TANC2: variants seen among roughly 807,000 people sequenced by gnomAD.
TANC2 encodes the protein protein TANC2.
Under a neutral mutation model 210.5 loss-of-function variants are expected in TANC2, and 26 were observed. The observed-to-expected ratio is 0.12, with a 90% CI of 0.09 to 0.17. The LOEUF is 0.17. Among genes scored for constraint, TANC2 ranks in the 10% least tolerant of loss-of-function variants. The pLI, the probability that TANC2 is intolerant of heterozygous loss-of-function variation, is 1.00. For synonymous variants in TANC2, 931 were observed against 967.1 expected (o/e 0.96, Z 0.69); for missense variants, 2,129 against 2,608.9 (o/e 0.82, Z 4.01).
intron 19 of TANC2, among the ~76,000 whole-genome samples, chr17:63,401,435 A>G (rs2048340712): frequency 6.6e-6 from 1 of 152,240 alleles, no homozygotes; most frequent in Non-Finnish European, 1.5e-5. Context: ...CTATACTGAC[A>G]CAATTCTTTA....
intron 24 of TANC2, chr17:63,413,316 A>G: frequency 2.4e-6 from 1 of 414,556 alleles, no homozygotes; most frequent in Non-Finnish European, 4.3e-6. Flanking sequence ...CGCGTGGGGC[A>G]GGCTCACATG....
chr17:63,013,627 T>C (rs1346218006), intron 2 of TANC2, among the ~76,000 whole-genome samples: 1 of 152,116 alleles, frequency 6.6e-6, no homozygotes, highest in African/African-American at 2.4e-5. Context: ...CCAGACGTGT[T>C]GGCACATGCC....
intron 14 of TANC2, among the ~76,000 whole-genome samples, chr17:63,358,810 C>A (rs551029415): frequency 2.0e-5 from 3 of 152,138 alleles, no homozygotes; most frequent in Non-Finnish European, 4.4e-5. Context: ...AGTAGACAGT[C>A]GGAGCTACCA....
intron 11 of TANC2, among the ~76,000 whole-genome samples, chr17:63,320,783 GTT>G (rs2045470006): frequency 2.0e-5 from 3 of 151,842 alleles, no homozygotes; most frequent in African/African-American, 4.8e-5. Flanking sequence ...CATTTATTCT[GTT>G]GGTACCTAGC....
intron 7 of TANC2, among the ~76,000 whole-genome samples, chr17:63,229,679 G>A (rs928861012): frequency 6.6e-6 from 1 of 151,502 alleles, no homozygotes; most frequent in Non-Finnish European, 1.5e-5. Context: ...GTCTTGGGAG[G>A]GTGTATGTGT....
chr17:63,253,574 G>A (rs1021415376), intron 8 of TANC2, among the ~76,000 whole-genome samples: 1 of 152,052 alleles, frequency 6.6e-6, no homozygotes, highest in Non-Finnish European at 1.5e-5. Context: ...ATAGTTTGGG[G>A]TCTTAAACTT....
At chr17:63,153,872 A>G (rs1193882575) in intron 5 of TANC2, 1 of 152,156 alleles carries the variant, frequency 6.6e-6, no homozygotes, top group Admixed American at 6.6e-5. Context: ...ACCCACGTCT[A>G]ACTTTTCTGT....
In TANC2 at chr17:63,421,070, T is replaced by A. The variant is rs2049010560; in HGVS notation, c.5340T>A (p.Asp1780Glu). The A allele has an allele frequency of 1.2e-6, 2 of 1,613,814 alleles. No individual in the cohort carries two copies. The highest frequency in any genetic ancestry group is 1.7e-5 in the Admixed American group (1 of 59,982). Residue 1780 changes from aspartate (D) to glutamate (E), a missense_variant, in exon 28 of 28, where the codon GAT (aspartate) becomes GAA (glutamate). By Grantham distance (45) the Asp-to-Glu change is conservative (BLOSUM62 2). This residue lies in a region of TANC2 where 584 missense variants were observed against 627.3 expected (regional missense o/e 0.93). Coordinates refer to ENST00000689528, the Ensembl canonical transcript of TANC2. This position sits in a 1 kb window ranked among gnomAD's most constrained non-coding sequence, Gnocchi z 6.9. Reference sequence around the variant, plus strand: ...AGCATGGAGGATTGACCAAAGAGGATCTTCCACAGCGACCTTCCTCAGCAT... The same window carrying A: ...AGCATGGAGGATTGACCAAAGAGGAACTTCCACAGCGACCTTCCTCAGCAT...
intron 11 of TANC2, among the ~76,000 whole-genome samples, chr17:63,329,308 A>G (rs2045759040): frequency 6.6e-6 from 1 of 152,132 alleles, no homozygotes; most frequent in South Asian, 2.1e-4. Flanking sequence ...AAACATGATG[A>G]AAAAATGGGA....
intron 7 of TANC2, among the ~76,000 whole-genome samples, chr17:63,233,417 C>A: frequency 6.6e-6 from 1 of 152,184 alleles, no homozygotes; most frequent in Non-Finnish European, 1.5e-5. Flanking sequence ...ATCGTGGATT[C>A]TTGGGCAGGG....
At chr17:63,255,105 T>TTA (rs1555616926) in intron 8 of TANC2, among the ~76,000 whole-genome samples, 1 of 135,418 alleles carries the variant, frequency 7.4e-6, no homozygotes, top group Non-Finnish European at 1.5e-5. Context: ...ATTTATTTAT[T>TTA]TTTATTTATT....
chr17:63,374,284 C>T (rs1455689900), intron 14 of TANC2, among the ~76,000 whole-genome samples: 1 of 152,108 alleles, frequency 6.6e-6, no homozygotes, highest in African/African-American at 2.4e-5. Context: ...GCGACCCTCC[C>T]ACCTTGGCCT....
chr17:63,036,920 A>G (rs542428168), intron 2 of TANC2, among the ~76,000 whole-genome samples: 4 of 149,016 alleles, frequency 2.7e-5, no homozygotes, highest in South Asian at 2.1e-4. Flanking sequence ...CACAGCCCCC[A>G]GTAGATTCCT....
At chr17:63,229,395 T>C (rs150685715) in intron 7 of TANC2, among the ~76,000 whole-genome samples, 1 of 152,290 alleles carries the variant, frequency 6.6e-6, no homozygotes, top group African/African-American at 2.4e-5. Context: ...TTTTTTGTTG[T>C]ATCCCTGCCA....
chr17:63,041,178 C>T (rs1230457959), intron 2 of TANC2, among the ~76,000 whole-genome samples: 1 of 150,782 alleles, frequency 6.6e-6, no homozygotes, highest in African/African-American at 2.4e-5. Context: ...GTGTTCTCCC[C>T]AAAAAGAAAA....
intron 9 of TANC2, among the ~76,000 whole-genome samples, chr17:63,310,093 C>T (rs1273924700): frequency 6.6e-6 from 1 of 152,022 alleles, no homozygotes; most frequent in Non-Finnish European, 1.5e-5. Context: ...AAGGCAGAAC[C>T]CATAAAGAAA....
At chr17:63,410,348 C>A (rs536091332) in intron 21 of TANC2, among the ~76,000 whole-genome samples, 9 of 143,676 alleles carry the variant, frequency 6.3e-5, no homozygotes, top group South Asian at 2.4e-4. Flanking sequence ...CCCCCCCCCC[C>A]ATCTCCTAGT....
chr17:63,420,340 C>T lies in TANC2; in HGVS notation c.4610C>T (p.Ala1537Val), dbSNP rs758013067. 1.9e-6 allele frequency: 3 copies of T among 1,613,958 alleles called. No homozygotes were observed. Among genetic ancestry groups the T allele is most frequent in the East Asian group, 2.2e-5 (1 of 44,868 alleles). Residue 1537 changes from alanine to valine, a missense_variant, in exon 28 of 28, where the codon GCC becomes GTC. This residue lies in a region of TANC2 where 584 missense variants were observed against 627.3 expected (regional missense o/e 0.93). Transcript: ENST00000689528. The surrounding 1 kb of genome is among the most constrained non-coding windows in gnomAD (Gnocchi z 4.2). ...TCCTCTCCCCCGCATCGGGACTCAG[C>T]CTACATCTCCAGCTCACCTCTTGGC...
chr17:63,234,644 T>C (rs2042571905), intron 7 of TANC2, among the ~76,000 whole-genome samples: 1 of 152,062 alleles, frequency 6.6e-6, no homozygotes. Context: ...AAAAGTTTTT[T>C]TTTTAATTTA....
Sources: allele counts gnomAD v4.1 joint callset (sites outside exome capture counted in the v4.1 genomes callset), GRCh38; gene constraint gnomAD v4.1.1; regional missense constraint gnomAD v4.1.1; non-coding constraint Gnocchi (gnomAD v3.1); transcripts MANE v1.5; gene names NCBI Gene and HGNC (gene_info 2026-07-23, HGNC 2026-07-21).